The following SUMF1 variants were observed in gnomAD, a reference collection of about 807,000 sequenced individuals.
SUMF1 encodes the protein formylglycine-generating enzyme.
A neutral mutation model predicts 47.6 loss-of-function variants in SUMF1; 48 were observed. The ratio of observed to expected loss-of-function variants is 1.01; its 90% CI spans 0.80 to 1.28. The LOEUF (loss-of-function observed/expected upper bound fraction) is 1.28, where lower values mean the gene tolerates loss of function less well. SUMF1 is among the 50% of genes most tolerant of loss of function. The pLI is 0.00. For missense variants in SUMF1, 571 were observed against 485.4 expected (o/e 1.18, Z -1.66); for synonymous variants, 230 against 192.1 (o/e 1.20, Z -1.63).
Position 4,236,303 on chromosome 3 carries a change from A to C in SUMF1, c.1014+140027T>G, listed in dbSNP as rs528137605. On this transcript the variant is annotated intron_variant and NMD_transcript_variant, in intron 8 of 12. Transcript: ENST00000448413. ...CTAACTTTCTCATATTCATATTGATAAGTTGTAAATTTCCCAAAGCTAAGA... is the reference window on the plus strand; with the variant it reads ...CTAACTTTCTCATATTCATATTGATCAGTTGTAAATTTCCCAAAGCTAAGA... Among the ~76,000 whole-genome samples, 45 of 152,278 alleles carry C rather than the reference A, an allele frequency of 3.0e-4. 1 individual carries two copies. The highest frequency in any genetic ancestry group is 1.7e-3 in the South Asian group (8 of 4,822).
chr3:4,106,050 T>A lies in SUMF1; in HGVS notation c.1015-37305A>T, dbSNP rs146035983. On this transcript the variant is annotated intron_variant and NMD_transcript_variant, in intron 8 of 12. Transcript: ENST00000448413. ...AATAATTGGTCAAAATTGCTTTATC[T>A]GTTTGCTTTATCTGTTCCTCTACCA... 2.5e-3 allele frequency among the ~76,000 whole-genome samples: 376 copies of A among 152,156 alleles called. 6 individuals are homozygous for A. Among genetic ancestry groups the A allele is most frequent in the African/African-American group, 8.6e-3 (355 of 41,476 alleles).
chr3:4,090,995 C>A (rs1271638952), intron 8 of SUMF1, among the ~76,000 whole-genome samples: 1 of 151,642 alleles, frequency 6.6e-6, no homozygotes, highest in Non-Finnish European at 1.5e-5. Flanking sequence ...GCAGGAGAAT[C>A]GCTTGAACCA....
intron 8 of SUMF1, among the ~76,000 whole-genome samples, chr3:4,150,360 G>C (rs1046421619): frequency 4.0e-5 from 6 of 151,546 alleles, no homozygotes; most frequent in African/African-American, 1.5e-4. Flanking sequence ...TCAGGAGTTT[G>C]CGACCAGCCT....
Position 4,389,623 on chromosome 3 carries a change from G to C in SUMF1, c.955-13234C>G, listed in dbSNP as rs931401924. Among the ~76,000 whole-genome samples the C allele has an allele frequency of 2.6e-5, 4 of 152,136 alleles. 1 individual carries two copies. Among genetic ancestry groups the C allele is most frequent in the Admixed American group, 1.3e-4 (2 of 15,272 alleles). ...TGAGAACTTTTGTTATAATCACGTA[G>C]ATCCTTGTGGCTCTCAACATTTCTT... On this transcript the variant is annotated intron_variant, in intron 7 of 8. Transcript: ENST00000272902.
intron 8 of SUMF1, among the ~76,000 whole-genome samples, chr3:4,178,224 CAG>C (rs1385014297): frequency 1.3e-5 from 2 of 152,114 alleles, no homozygotes; most frequent in African/African-American, 4.8e-5. Flanking sequence ...CAAAGCCTGG[CAG>C]AGACACAACA....
Position 4,143,986 on chromosome 3 carries a change from CTCTT to C in SUMF1, c.1015-75245_1015-75242del, listed in dbSNP as rs1248642731. ...CCTTAAAGTGACCACTGTCTTCTCT[CTCTT>C]TTTTTTTTTTTTTTTTTTTAGACAG... On this transcript the variant is annotated intron_variant and NMD_transcript_variant, in intron 8 of 12. Transcript: ENST00000448413. 1.4e-4 allele frequency among the ~76,000 whole-genome samples: 12 copies of C among 86,020 alleles called. No homozygotes were observed. In the South Asian group the frequency reaches 3.5e-3, roughly 25 times the overall value. The allele number at this position is 86,020 out of a possible 152,430, so 56.4% of individuals were successfully genotyped here.
chr3:4,128,261 C>T (rs919846307), intron 8 of SUMF1, among the ~76,000 whole-genome samples: 1 of 152,162 alleles, frequency 6.6e-6, no homozygotes. Context: ...CACAGCCTCA[C>T]CAGGTGTCTA....
chr3:4,465,497 A>G (rs562159080), intron 1 of SUMF1, among the ~76,000 whole-genome samples: 26 of 152,158 alleles, frequency 1.7e-4, no homozygotes, highest in African/African-American at 6.0e-4. Flanking sequence ...AAAAGAAAAG[A>G]AAAAAGAAAG....
chr3:4,271,616 C>A (rs1224234238), intron 8 of SUMF1, among the ~76,000 whole-genome samples: 1 of 152,130 alleles, frequency 6.6e-6, no homozygotes, highest in Non-Finnish European at 1.5e-5. Flanking sequence ...ATTCTCCCGC[C>A]TCAGTCTCCC....
intron 8 of SUMF1, among the ~76,000 whole-genome samples, chr3:4,186,534 T>C (rs1182026993): frequency 6.6e-6 from 1 of 152,104 alleles, no homozygotes; most frequent in Non-Finnish European, 1.5e-5. Context: ...TCAATAAGTA[T>C]ATGGCCTAGA....
intron 3 of SUMF1, among the ~76,000 whole-genome samples, chr3:4,428,478 C>T (rs903551187): frequency 3.3e-5 from 5 of 152,126 alleles, no homozygotes; most frequent in African/African-American, 1.2e-4. Context: ...CTCAGCCTTA[C>T]AAGTAGTTAA....
At chr3:4,401,265 C>T (rs746584289) in intron 7 of SUMF1, among the ~76,000 whole-genome samples, 2 of 152,026 alleles carry the variant, frequency 1.3e-5, no homozygotes, top group Non-Finnish European at 2.9e-5. Flanking sequence ...AATAGTGCCA[C>T]AATAAACATA....
At chr3:4,412,450 G>C (rs925784248) in intron 6 of SUMF1, among the ~76,000 whole-genome samples, 1 of 152,146 alleles carries the variant, frequency 6.6e-6, no homozygotes, top group African/African-American at 2.4e-5. Flanking sequence ...GAGGCCACAG[G>C]CATAAACAAC....
chr3:4,284,521 C>T lies in SUMF1; in HGVS notation c.1014+91809G>A, dbSNP rs887596709. On this transcript the variant is annotated intron_variant and NMD_transcript_variant, in intron 8 of 12. Coordinates refer to the SUMF1 transcript ENST00000448413. ...AGTACAAAAGAAGGGGCTTGCCTTG[C>T]TTTTCCATTCTGCTACAGGTGACCC... is the stretch of plus-strand genomic sequence containing the variant. Among the ~76,000 whole-genome samples the T allele has an allele frequency of 2.0e-5, 3 of 150,258 alleles. No homozygotes were observed. The South Asian group carries it at 6.3e-4, about 31-fold the overall frequency.
intron 8 of SUMF1, among the ~76,000 whole-genome samples, chr3:4,285,334 A>C (rs924253423): frequency 6.6e-6 from 1 of 152,192 alleles, no homozygotes; most frequent in African/African-American, 2.4e-5. Flanking sequence ...TTTTCTGAAG[A>C]GTCTACTCAA....
chr3:4,123,972 A>G (rs913116913), intron 8 of SUMF1, among the ~76,000 whole-genome samples: 8 of 152,102 alleles, frequency 5.3e-5, no homozygotes, highest in Non-Finnish European at 1.2e-4. Flanking sequence ...CTTTGCATTC[A>G]TGTTGGCACT....
At position 4,046,480 on chromosome 3, in the gene SUMF1, C is replaced by A. The variant is rs149556552; in HGVS notation, c.1191+22089G>T. Among the ~76,000 whole-genome samples the A allele has an allele frequency of 5.7e-4, 87 of 152,304 alleles. No individual in the cohort carries two copies. In the East Asian group the frequency reaches 6.6e-3, roughly 12 times the overall value. On this transcript the variant is annotated intron_variant and NMD_transcript_variant, in intron 9 of 12. Coordinates refer to the SUMF1 transcript ENST00000448413. ...ATAAATTCCTCCACAACTCTTCCCA[C>A]TTTTAATCTTATGCCCCCATGTCGT...
At chr3:4,452,592 A>G (rs1703010474) in intron 2 of SUMF1, among the ~76,000 whole-genome samples, 1 of 152,222 alleles carries the variant, frequency 6.6e-6, no homozygotes, top group African/African-American at 2.4e-5. Flanking sequence ...GTTATAGCAC[A>G]TGTTCTGAGG....
At chr3:4,130,573 C>T (rs1401911234) in intron 8 of SUMF1, among the ~76,000 whole-genome samples, 1 of 152,030 alleles carries the variant, frequency 6.6e-6, no homozygotes, top group East Asian at 1.9e-4. Context: ...CATTTGTGTG[C>T]CACAGGATGA....
Sources: gnomAD v4.1 joint callset for allele counts (sites outside exome capture counted in the v4.1 genomes callset) on GRCh38, gnomAD v4.1.1 for gene constraint, MANE v1.5 for transcripts, NCBI Gene and HGNC (gene_info 2026-07-23, HGNC 2026-07-21) for gene names.